The following ZBTB40 variants were observed in gnomAD, a reference collection of about 807,000 sequenced individuals.
ZBTB40 encodes the protein zinc finger and BTB domain-containing protein 40.
Under a neutral mutation model 117.5 loss-of-function variants are expected in ZBTB40, and 60 were observed. The observed-to-expected ratio is 0.51, with a 90% CI of 0.41 to 0.63. The LOEUF (loss-of-function observed/expected upper bound fraction) is 0.63, where lower values mean the gene tolerates loss of function less well. Ranked by LOEUF, ZBTB40 falls within the 30% of genes least tolerant of loss-of-function variation. The pLI, the probability that ZBTB40 is intolerant of heterozygous loss-of-function variation, is 0.00. For missense variants in ZBTB40, 1,287 were observed against 1,498.5 expected (o/e 0.86, Z 2.33); for synonymous variants, 525 against 577.1 (o/e 0.91, Z 1.29).
At chr1:22,452,783 C>T (rs1420089385) in intron 1 of ZBTB40, 3 of 152,346 alleles carry the variant, frequency 2.0e-5, no homozygotes, top group South Asian at 2.1e-4. Flanking sequence ...ACCGAGAGCA[C>T]TTTAGTTGAC....
chr1:22,461,449 A>G (rs750920614), intron 1 of ZBTB40, among the ~76,000 whole-genome samples: 8 of 152,252 alleles, frequency 5.3e-5, no homozygotes, highest in Middle Eastern at 3.4e-3. Flanking sequence ...ATTAACAGCA[A>G]TAGAGAAGTT....
intron 15 of ZBTB40, 87 bp from the exon 16 acceptor site, chr1:22,522,290 G>A (rs773417725): frequency 2.3e-5 from 30 of 1,295,912 alleles, no homozygotes; most frequent in Admixed American, 5.0e-5. Context: ...ATTGGCCATC[G>A]CCCCAACCCC....
At chr1:22,460,048 A>G (rs548371660) in intron 1 of ZBTB40, among the ~76,000 whole-genome samples, 9 of 152,284 alleles carry the variant, frequency 5.9e-5, no homozygotes, top group Admixed American at 5.9e-4. Context: ...TGCGACTTCA[A>G]ATTATTCCTT....
rs540642716 is a variant in ZBTB40 at position 22,527,297 on chromosome 1, T to G, written c.*901T>G. ...GTGACCAGCACCAGGCAGGCAGTCC[T>G]GTCTGCGTGTGGAGGAGCAGCCGTG... On this transcript the variant is annotated 3_prime_UTR_variant, in exon 18 of 18. Coordinates refer to ENST00000375647, the MANE Select transcript of ZBTB40 (RefSeq NM_014870.4). The G allele has an allele frequency of 1.3e-5, 2 of 152,488 alleles. No individual in the cohort carries two copies. Among genetic ancestry groups the G allele is most frequent in the African/African-American group, 4.8e-5 (2 of 41,596 alleles). The allele number at this position is 152,488 out of a possible 1,614,324, so 9.4% of individuals were successfully genotyped here. A position where few individuals can be genotyped will look rare whatever the true frequency, so the allele number is the denominator to read the frequency against.
At chr1:22,468,714 A>C (rs1372800340) in intron 1 of ZBTB40, among the ~76,000 whole-genome samples, 4 of 123,192 alleles carry the variant, frequency 3.2e-5, no homozygotes, top group Non-Finnish European at 6.3e-5. Flanking sequence ...GCTTAAGCTG[A>C]TCTCGAACTC....
chr1:22,466,504 A>G (rs1641259147), intron 1 of ZBTB40, among the ~76,000 whole-genome samples: 1 of 152,116 alleles, frequency 6.6e-6, no homozygotes, highest in Admixed American at 6.5e-5. Flanking sequence ...CCCACCAGCA[A>G]TTCCGTGAGG....
rs114625255 is a variant in ZBTB40, at chr1:22,465,866, T to C, written c.-70+13862T>C. On this transcript the variant is annotated intron_variant, in intron 1 of 17. Coordinates refer to ENST00000375647, the MANE Select transcript of ZBTB40 (RefSeq NM_014870.4). ...CCACAACTTGGGTGGTGCCCCTGCC[T>C]GCTCCGTGGAACATGTAGCCCTGCC... Among the ~76,000 whole-genome samples, 869 of 152,322 alleles carry C rather than the reference T, an allele frequency of 5.7e-3. 6 individuals carry two copies. Among genetic ancestry groups the C allele is most frequent in the African/African-American group, 0.02 (840 of 41,580 alleles).
Position 22,522,417 on chromosome 1 carries a change from C to A in ZBTB40, c.3252C>A (p.Phe1084Leu). 6.2e-7 allele frequency: 1 copy of A among 1,614,184 alleles called. No individual in the cohort carries two copies. Among genetic ancestry groups the A allele is most frequent in the Non-Finnish European group, 8.5e-7 (1 of 1,180,034 alleles). The change falls in exon 16 of 18, where the codon TTC becomes TTA. Residue 1084 changes from phenylalanine to leucine, a missense_variant. Physicochemically the swap from Phe to Leu is conservative, Grantham distance 22 (BLOSUM62 0). Around this residue, in one of 2 missense-constraint regions of ZBTB40, gnomAD observed 417 missense variants for 564.1 expected, o/e 0.74. Transcript: ENST00000375647. Reference protein sequence around the residue: ...FHECDQCKELFPTPALLQVHV... With the variant: ...FHECDQCKELLPTPALLQVHV... ...AATGTGACCAGTGTAAGGAGCTCTT[C>A]CCCACGCCAGCCTTGCTGCAGGTTC...
rs143406210 is a variant in ZBTB40 at position 22,483,648 on chromosome 1, G to A, written c.-69-6232G>A. On this transcript the variant is annotated intron_variant, in intron 1 of 17. Transcript: ENST00000375647. ...TTAATTGGGTTGTTTTCTTATTGTT[G>A]AGTTTTGAGAGTTCTTTGTGTATTT... 8.8e-3 allele frequency among the ~76,000 whole-genome samples: 1,336 copies of A among 152,224 alleles called. 21 individuals are homozygous for A. The highest frequency in any genetic ancestry group is 0.024 in the Middle Eastern group (7 of 294).
chr1:22,441,568 C>T (rs967889248), intron 1 of ZBTB40, among the ~76,000 whole-genome samples: 3 of 147,500 alleles, frequency 2.0e-5, no homozygotes, highest in Non-Finnish European at 4.5e-5. Context: ...CTGCAACCTC[C>T]ACCTCCTGTG....
chr1:22,466,615 A>G (rs746117721), intron 1 of ZBTB40, among the ~76,000 whole-genome samples: 4 of 151,982 alleles, frequency 2.6e-5, no homozygotes, highest in Non-Finnish European at 4.4e-5. Context: ...CTCTCACTAC[A>G]GTTTTGATCT....
Position 22,490,193 on chromosome 1 carries a change from A to T in ZBTB40, c.245A>T (p.Lys82Ile), listed in dbSNP as rs201681716. The part of the protein sequence containing the change: ...ALLLEMMYTG[K>I]LPVGKHNFSK... ...TTGTTGGAAATGATGTACACGGGCA[A>T]ACTACCTGTGGGCAAGCACAACTTC... Residue 82 changes from lysine (K) to isoleucine (I), a missense_variant, in exon 2 of 18, where the codon AAA becomes ATA. Coordinates refer to ENST00000375647, the MANE Select transcript of ZBTB40 (RefSeq NM_014870.4). 78 of 1,614,134 alleles carry T rather than the reference A, an allele frequency of 4.8e-5. No homozygotes were observed. The African/African-American group carries it at 9.2e-4, about 19-fold the overall frequency.
intron 1 of ZBTB40, among the ~76,000 whole-genome samples, chr1:22,467,599 T>C (rs538410402): frequency 7.9e-5 from 12 of 152,102 alleles, no homozygotes; most frequent in Middle Eastern, 3.4e-3. Context: ...CTCAGCCTCC[T>C]GAGTAGCTGG....
intron 14 of ZBTB40, 144 bp from the exon 15 acceptor site, chr1:22,521,352 A>G (rs772297903): frequency 3.0e-5 from 31 of 1,043,174 alleles, no homozygotes; most frequent in Non-Finnish European, 4.5e-5. Flanking sequence ...TCCTCACATC[A>G]GCACCCGGTG....
intron 13 of ZBTB40, among the ~76,000 whole-genome samples, chr1:22,518,890 G>A (rs771841871): frequency 1.3e-5 from 2 of 152,176 alleles, no homozygotes; most frequent in East Asian, 1.9e-4. Flanking sequence ...TTACCTGGGC[G>A]TCAGGAAAGG....
intron 9 of ZBTB40, among the ~76,000 whole-genome samples, chr1:22,510,231 G>A (rs1488339785): frequency 1.3e-5 from 2 of 152,338 alleles, no homozygotes; most frequent in Non-Finnish European, 2.9e-5. Flanking sequence ...ATTCAGGTAG[G>A]TGTGGAAGGT....
chr1:22,475,634 G>GT (rs564199590), intron 1 of ZBTB40, among the ~76,000 whole-genome samples: 1 of 152,118 alleles, frequency 6.6e-6, no homozygotes, highest in Non-Finnish European at 1.5e-5. Context: ...GGATTAATCT[G>GT]TTTTTTTCTT....
At position 22,511,296 on chromosome 1, in the gene ZBTB40, C is replaced by T; in HGVS notation, c.1951C>T (p.His651Tyr). 1 of 1,614,034 alleles carries T rather than the reference C, an allele frequency of 6.2e-7. No individual in the cohort carries two copies. ...IEICHLLCSV[H>Y]KSFPGLQPVM... ...AATATGCCACCTCCTGTGCAGTGTC[C>T]ACAAATCTTTTCCAGGCCTGCAGCC... Residue 651 changes from histidine (H) to tyrosine (Y), a missense_variant, in exon 10 of 18, where the codon CAC becomes TAC. Coordinates refer to ENST00000375647, the MANE Select transcript of ZBTB40 (RefSeq NM_014870.4).
intron 1 of ZBTB40, among the ~76,000 whole-genome samples, chr1:22,483,296 C>T (rs1228716119): frequency 1.3e-5 from 2 of 152,072 alleles, no homozygotes; most frequent in Non-Finnish European, 2.9e-5. Flanking sequence ...AGTCTTCAAC[C>T]CCTTTGGTTA....
Sources: allele counts gnomAD v4.1 joint callset (sites outside exome capture counted in the v4.1 genomes callset), GRCh38; gene constraint gnomAD v4.1.1; regional missense constraint gnomAD v4.1.1; transcripts MANE v1.5; gene names NCBI Gene and HGNC (gene_info 2026-07-23, HGNC 2026-07-21).